The following PCDH9 variants were observed in gnomAD, a reference collection of about 807,000 sequenced individuals.
The protein encoded by PCDH9 is protocadherin-9.
In PCDH9, 24 loss-of-function variants were observed where a neutral mutation model predicts 70.6. The observed-to-expected ratio is 0.34, with a 90% CI of 0.25 to 0.48. The LOEUF (loss-of-function observed/expected upper bound fraction) is 0.48, where lower values mean the gene tolerates loss of function less well. PCDH9 is among the 20% of genes least tolerant of loss of function. PCDH9 has a pLI of 0.99. For missense variants in PCDH9, 1,281 were observed against 1,503.6 expected (o/e 0.85, Z 2.45); for synonymous variants, 562 against 558.5 (o/e 1.01, Z -0.09).
At chr13:66,585,474 A>T (rs1181919354) in intron 4 of PCDH9, among the ~76,000 whole-genome samples, 4 of 152,130 alleles carry the variant, frequency 2.6e-5, no homozygotes, top group Non-Finnish European at 1.5e-5. Flanking sequence ...GAGATTCATC[A>T]AGTCTCCTTC....
chr13:67,144,009 A>C (rs1425449069), intron 2 of PCDH9, among the ~76,000 whole-genome samples: 1 of 152,168 alleles, frequency 6.6e-6, no homozygotes, highest in Non-Finnish European at 1.5e-5. Flanking sequence ...AATCAGGTCC[A>C]ATATCTCCCT....
At chr13:66,822,134 G>GCGCACA (rs1555272315) in intron 3 of PCDH9, among the ~76,000 whole-genome samples, 1 of 41,510 alleles carries the variant, frequency 2.4e-5, no homozygotes, top group Non-Finnish European at 5.6e-5. Context: ...CATCACACAC[G>GCGCACA]CGCACACACA....
At chr13:67,066,394 C>T (rs1288346246) in intron 2 of PCDH9, among the ~76,000 whole-genome samples, 1 of 152,132 alleles carries the variant, frequency 6.6e-6, no homozygotes, top group East Asian at 1.9e-4. Context: ...CCACCACACC[C>T]AGCTAATTTT....
intron 2 of PCDH9, among the ~76,000 whole-genome samples, chr13:67,005,910 A>G (rs2084341318): frequency 6.6e-6 from 1 of 152,208 alleles, no homozygotes; most frequent in Admixed American, 6.5e-5. Context: ...TGTGGTAGGC[A>G]TCATTACATA....
rs144424467 is a variant in PCDH9, at chr13:67,227,341, A to T, written c.1100T>A (p.Ile367Asn). 1.7e-5 allele frequency: 27 copies of T among 1,613,896 alleles called. No homozygotes were observed. Among genetic ancestry groups the T allele is most frequent in the Non-Finnish European group, 2.2e-5 (26 of 1,179,938 alleles). The change falls in exon 2 of 5, where the codon ATC becomes AAC. Residue 367 changes from isoleucine (I) to asparagine (N), a missense_variant. Physicochemically the swap from Ile to Asn is moderately radical, Grantham distance 149. Coordinates refer to ENST00000377865, the MANE Select transcript of PCDH9 (RefSeq NM_203487.3). The surrounding 1 kb of genome is among the most constrained non-coding windows in gnomAD (Gnocchi z 4.6). ...CTCAGATAAATACACGGTGCCATTG[A>T]TGGGACTTATAATGTACCTGAGGTC... ...NIDLRYIISP[I>N]NGTVYLSEKD... is the part of the protein sequence containing the mutation.
chr13:66,824,519 G>A (rs140302085), intron 3 of PCDH9, among the ~76,000 whole-genome samples: 3,294 of 148,676 alleles, frequency 0.022, 129 homozygotes, highest in African/African-American at 0.078. Context: ...AGTCTGGCAT[G>A]GTGGCAGGCA....
At chr13:66,904,420 C>A (rs1281857952) in intron 2 of PCDH9, among the ~76,000 whole-genome samples, 1 of 151,880 alleles carries the variant, frequency 6.6e-6, no homozygotes, top group Non-Finnish European at 1.5e-5. Flanking sequence ...TCAAGGCAAG[C>A]AATATTTGTA....
At chr13:66,468,271 A>G (rs1467177103) in intron 4 of PCDH9, among the ~76,000 whole-genome samples, 1 of 151,804 alleles carries the variant, frequency 6.6e-6, no homozygotes, top group African/African-American at 2.4e-5. Flanking sequence ...ATCTGTCAAC[A>G]CCCCATCTAC....
chr13:66,872,773 T>A (rs2081719618), intron 3 of PCDH9, among the ~76,000 whole-genome samples: 1 of 152,140 alleles, frequency 6.6e-6, no homozygotes, highest in South Asian at 2.1e-4. Flanking sequence ...TGCTCAAATA[T>A]ATTGGCTAAT....
At chr13:66,509,952 T>C (rs539261931) in intron 4 of PCDH9, among the ~76,000 whole-genome samples, 3 of 152,332 alleles carry the variant, frequency 2.0e-5, no homozygotes, top group South Asian at 4.1e-4. Flanking sequence ...TAGACTAGAA[T>C]TTGATTTTCA....
intron 3 of PCDH9, among the ~76,000 whole-genome samples, chr13:66,843,298 C>T (rs1176076126): frequency 2.0e-5 from 3 of 152,120 alleles, no homozygotes; most frequent in Admixed American, 6.5e-5. Flanking sequence ...CTAGTTAAAA[C>T]TTTTCTAGAA....
intron 2 of PCDH9, among the ~76,000 whole-genome samples, chr13:66,987,305 G>A (rs1357846285): frequency 6.6e-6 from 1 of 151,990 alleles, no homozygotes; most frequent in African/African-American, 2.4e-5. Flanking sequence ...CAGCATCCAT[G>A]TGAAATGTCT....
chr13:66,890,485 C>G (rs1358483703), intron 3 of PCDH9, among the ~76,000 whole-genome samples: 2 of 126,616 alleles, frequency 1.6e-5, no homozygotes, highest in Non-Finnish European at 3.3e-5. Context: ...AAGGCATTTA[C>G]TCTAGAAAAC....
At chr13:66,916,126 G>C (rs150120174) in intron 2 of PCDH9, among the ~76,000 whole-genome samples, 1 of 151,656 alleles carries the variant, frequency 6.6e-6, no homozygotes, top group East Asian at 1.9e-4. Context: ...TTATATAGAT[G>C]ACATAAGGTA....
intron 3 of PCDH9, among the ~76,000 whole-genome samples, chr13:66,651,105 C>A (rs866570458): frequency 6.6e-6 from 1 of 150,972 alleles, no homozygotes; most frequent in African/African-American, 2.4e-5. Flanking sequence ...AGTAAACAAC[C>A]TAAAAATGCA....
chr13:67,096,265 T>C (rs2086317726), intron 2 of PCDH9, among the ~76,000 whole-genome samples: 1 of 152,192 alleles, frequency 6.6e-6, no homozygotes, highest in Admixed American at 6.5e-5. Flanking sequence ...GCTGTCATTA[T>C]TTTAACTAAA....
intron 4 of PCDH9, among the ~76,000 whole-genome samples, chr13:66,502,517 A>C (rs1439383838): frequency 6.6e-6 from 1 of 152,130 alleles, no homozygotes; most frequent in African/African-American, 2.4e-5. Flanking sequence ...ACTATAAAAA[A>C]ATTTGTCATT....
chr13:67,144,010 A>G (rs916680674), intron 2 of PCDH9, among the ~76,000 whole-genome samples: 2 of 152,262 alleles, frequency 1.3e-5, no homozygotes, highest in African/African-American at 4.8e-5. Context: ...ATCAGGTCCA[A>G]TATCTCCCTA....
intron 2 of PCDH9, among the ~76,000 whole-genome samples, chr13:67,113,662 C>T (rs1294762655): frequency 6.6e-6 from 1 of 152,160 alleles, no homozygotes; most frequent in African/African-American, 2.4e-5. Flanking sequence ...ACTCTCCTGC[C>T]TCAGCCTCCC....
Sources: gnomAD v4.1 joint callset for allele counts (sites outside exome capture counted in the v4.1 genomes callset) on GRCh38, gnomAD v4.1.1 for gene constraint, Gnocchi (gnomAD v3.1) non-coding constraint, MANE v1.5 for transcripts, NCBI Gene and HGNC (gene_info 2026-07-23, HGNC 2026-07-21) for gene names.